Variants in MARK2 observed in about 807,000 individuals in gnomAD.
The protein encoded by MARK2 is serine/threonine-protein kinase MARK2.
Under a neutral mutation model 89.8 loss-of-function variants are expected in MARK2, and 16 were observed. That is an observed-to-expected ratio of 0.18 (90% CI 0.12 to 0.27). The LOEUF is 0.27. Ranked by LOEUF, MARK2 falls within the 10% of genes least tolerant of loss-of-function variation. The probability of loss-of-function intolerance (pLI) is 1.00; values close to 1 mark genes in which losing one functional copy is unlikely to be tolerated. For synonymous variants in MARK2, 382 were observed against 399.5 expected, an observed-to-expected ratio of 0.96 and a Z score of 0.52; for missense variants, 621 against 1,049.9, an observed-to-expected ratio of 0.59 and a Z score of 5.65.
intron 1 of MARK2, among the ~76,000 whole-genome samples, chr11:63,863,229 C>T (rs1041188660): frequency 1.7e-4 from 26 of 152,178 alleles, no homozygotes; most frequent in Non-Finnish European, 2.6e-4. Context: ...GTCCCCATAG[C>T]TGTGCACATG....
In MARK2 at chr11:63,902,346, A is replaced by G. The variant is rs758866225; in HGVS notation, c.1234+16A>G. 2 of 1,613,604 alleles carry G rather than the reference A, an allele frequency of 1.2e-6. No homozygotes were observed. Among genetic ancestry groups the G allele is most frequent in the Non-Finnish European group, 1.7e-6 (2 of 1,179,800 alleles). On this transcript the variant is annotated intron_variant, in intron 12 of 18. Coordinates refer to ENST00000402010, the MANE Select transcript of MARK2 (RefSeq NM_001039469.3). The surrounding 1 kb of genome is among the most constrained non-coding windows in gnomAD (Gnocchi z 4.2). ...AGCGACCAGGGTAAATGCTTTTGGG[A>G]GTTGTAGGTGGGGACTCACCCCTCT...
chr11:63,866,135 T>G (rs1255568454), intron 1 of MARK2, among the ~76,000 whole-genome samples: 1 of 152,124 alleles, frequency 6.6e-6, no homozygotes, highest in Non-Finnish European at 1.5e-5. Flanking sequence ...GCAGATCACC[T>G]GAGGCCAGGA....
chr11:63,874,862 A>G (rs1938650891), intron 1 of MARK2, among the ~76,000 whole-genome samples: 2 of 150,036 alleles, frequency 1.3e-5, no homozygotes, highest in Admixed American at 1.3e-4. Context: ...GAAGAAAGGT[A>G]AATGGGAGTG....
chr11:63,877,535 CAA>C (rs35808452), intron 1 of MARK2, among the ~76,000 whole-genome samples: 1 of 151,718 alleles, frequency 6.6e-6, no homozygotes, highest in African/African-American at 2.4e-5. Flanking sequence ...CCCATCTCTA[CAA>C]AAAATACAAA....
chr11:63,842,893 A>G (rs2318126), intron 1 of MARK2, among the ~76,000 whole-genome samples: 105,504 of 151,874 alleles, frequency 0.69, 37,220 homozygotes, highest in East Asian at 0.94. Context: ...GGAGCCCTTT[A>G]ATCACTCTGA....
chr11:63,892,538 C>T (rs1400327673), intron 1 of MARK2, among the ~76,000 whole-genome samples: 1 of 152,102 alleles, frequency 6.6e-6, no homozygotes, highest in Non-Finnish European at 1.5e-5. Context: ...AGAACTTTCA[C>T]TCACACTCCT....
chr11:63,849,120 A>G (rs924023018), intron 1 of MARK2, among the ~76,000 whole-genome samples: 1 of 151,876 alleles, frequency 6.6e-6, no homozygotes. Flanking sequence ...TGATTCTCCC[A>G]CCTTAGCTTC....
chr11:63,892,841 C>T (rs975777679), intron 1 of MARK2, among the ~76,000 whole-genome samples: 4 of 151,104 alleles, frequency 2.6e-5, no homozygotes, highest in African/African-American at 4.9e-5. Context: ...GCGATCCTCC[C>T]GCCTCATCCT....
At chr11:63,862,963 CCGTCTGTGTGCCACTTGCACACACA>C (rs1303721752) in intron 1 of MARK2, among the ~76,000 whole-genome samples, 2 of 152,210 alleles carry the variant, frequency 1.3e-5, no homozygotes, top group Non-Finnish European at 2.9e-5. Context: ...TCTCTTACAA[CCGTCTGTGTGCCACTTGCACACACA>C]CAGGCACAGA....
chr11:63,876,155 A>C (rs1415986669), intron 1 of MARK2, among the ~76,000 whole-genome samples: 2 of 152,218 alleles, frequency 1.3e-5, no homozygotes, highest in Non-Finnish European at 2.9e-5. Flanking sequence ...TTTATACAGC[A>C]GCCTTTCTGC....
intron 1 of MARK2, among the ~76,000 whole-genome samples, chr11:63,842,621 A>C (rs1348860534): frequency 5.9e-5 from 9 of 152,022 alleles, no homozygotes. Flanking sequence ...AGTGAAAGAA[A>C]CCTCTTCTTG....
At chr11:63,876,296 A>C (rs1399078412) in intron 1 of MARK2, among the ~76,000 whole-genome samples, 1 of 152,234 alleles carries the variant, frequency 6.6e-6, no homozygotes, top group Non-Finnish European at 1.5e-5. Flanking sequence ...GGAGATACAG[A>C]GAATTCGTGA....
Position 63,852,684 on chromosome 11 carries a change from A to G in MARK2, c.54+13124A>G, listed in dbSNP as rs377480655. On this transcript the variant is annotated intron_variant, in intron 1 of 18. Coordinates refer to ENST00000402010, the MANE Select transcript of MARK2 (RefSeq NM_001039469.3). ...CTGTAAATAAGAACTAAAAAAAAAA[A>G]AAAAGAAAAGAAATGAAAGTGTAAT... is the stretch of plus-strand genomic sequence containing the variant. Among the ~76,000 whole-genome samples, 11 of 151,846 alleles carry G rather than the reference A, an allele frequency of 7.2e-5. 1 individual carries two copies. Among genetic ancestry groups the G allele is most frequent in the South Asian group, 6.2e-4 (3 of 4,826 alleles).
intron 1 of MARK2, among the ~76,000 whole-genome samples, chr11:63,891,722 C>T (rs1191030260): frequency 6.6e-6 from 1 of 152,252 alleles, no homozygotes; most frequent in African/African-American, 2.4e-5. Context: ...ATCTTCCTCT[C>T]GTAGGAGTTG....
intron 1 of MARK2, among the ~76,000 whole-genome samples, chr11:63,889,765 C>T (rs1185343549): frequency 6.6e-6 from 1 of 152,256 alleles, no homozygotes; most frequent in Non-Finnish European, 1.5e-5. Flanking sequence ...AAATAACTGC[C>T]TTGCAGGGTG....
chr11:63,901,422 G>GGTGTGTGTGTGTGTGTGTGTGTGTGTGT (rs147425490), intron 11 of MARK2, among the ~76,000 whole-genome samples: 4 of 139,588 alleles, frequency 2.9e-5, no homozygotes, highest in Admixed American at 7.5e-5. Context: ...TACATTTCTG[G>GGTGTGTGTGTGTGTGTGTGTGTGTGTGT]GTGTGTGTGT....
intron 1 of MARK2, among the ~76,000 whole-genome samples, chr11:63,885,774 C>A (rs1336592896): frequency 1.3e-5 from 2 of 150,898 alleles, no homozygotes; most frequent in African/African-American, 2.4e-5. Flanking sequence ...GCGGAGGTTG[C>A]AGTGAGCCGA....
In MARK2 at chr11:63,899,060, T is replaced by C; in HGVS notation, c.483T>C (p.Ser161=). The C allele has an allele frequency of 1.2e-6, 2 of 1,611,572 alleles. No homozygotes were observed. Among genetic ancestry groups the C allele is most frequent in the South Asian group, 2.2e-5 (2 of 91,030 alleles). The stretch of plus-strand genomic sequence containing the variant: ...TTCTTCCTTCCTTTCAGATAGTGTC[T>C]GCTGTGCAGTACTGTCACCAGAAGT... The part of the protein sequence containing the change: ...EARAKFRQIV[S]AVQYCHQKFI... Residue 161 remains serine (S), a synonymous_variant, in exon 7 of 19, where the codon TCT becomes TCC. Coordinates refer to ENST00000402010, the MANE Select transcript of MARK2 (RefSeq NM_001039469.3).
At chr11:63,861,465 A>G (rs1937776877) in intron 1 of MARK2, among the ~76,000 whole-genome samples, 1 of 152,190 alleles carries the variant, frequency 6.6e-6, no homozygotes, top group South Asian at 2.1e-4. Context: ...TTAATTTCAA[A>G]TATTTGTTTA....
Sources: allele counts gnomAD v4.1 joint callset (sites outside exome capture counted in the v4.1 genomes callset), GRCh38; gene constraint gnomAD v4.1.1; non-coding constraint Gnocchi (gnomAD v3.1); transcripts MANE v1.5; gene names NCBI Gene and HGNC (gene_info 2026-07-23, HGNC 2026-07-21).